Variants in MED12L observed in about 807,000 individuals in gnomAD.
MED12L encodes mediator complex subunit 12L.
In MED12L, 60 loss-of-function variants were observed where a neutral mutation model predicts 281.3. That is an observed-to-expected ratio of 0.21 (90% CI 0.17 to 0.26). The LOEUF (loss-of-function observed/expected upper bound fraction) is 0.26, where lower values mean the gene tolerates loss of function less well. Among genes scored for constraint, MED12L ranks in the 10% least tolerant of loss-of-function variants. The pLI is 1.00. For missense variants in MED12L, 2,146 were observed against 2,680.9 expected, an observed-to-expected ratio of 0.80 and a Z score of 4.41; for synonymous variants, 974 against 987.2, an observed-to-expected ratio of 0.99 and a Z score of 0.25.
At chr3:151,426,039 G>A (rs895131152) in intron 43 of MED12L, among the ~76,000 whole-genome samples, 1 of 152,156 alleles carries the variant, frequency 6.6e-6, no homozygotes, top group Non-Finnish European at 1.5e-5. Flanking sequence ...CATTTGAATA[G>A]GGAAGGCAAA....
At chr3:151,141,178 G>GTTTT (rs370095367) in intron 5 of MED12L, among the ~76,000 whole-genome samples, 2 of 102,228 alleles carry the variant, frequency 2.0e-5, no homozygotes, top group Non-Finnish European at 3.8e-5. Context: ...TTTTTTTTTT[G>GTTTT]TTTTTTTTGT....
chr3:151,436,469 A>T lies in MED12L; in HGVS notation c.*3665A>T. 1 of 416,414 alleles carries T rather than the reference A, an allele frequency of 2.4e-6. No homozygotes were observed. Among genetic ancestry groups the T allele is most frequent in the Non-Finnish European group, 4.2e-6 (1 of 236,324 alleles). 25.8% of individuals were successfully genotyped at this position (416,414 alleles called of 1,614,324 possible). On this transcript the variant is annotated 3_prime_UTR_variant, in exon 45 of 45. Coordinates refer to ENST00000687756, the MANE Select transcript of MED12L (RefSeq NM_001393769.1). ...TTTATTGTTATTTGTTGGCAAAATAAAAGTGCCTTAAGTTAAAAGTTTGTT... is the reference window on the plus strand; with the variant it reads ...TTTATTGTTATTTGTTGGCAAAATATAAGTGCCTTAAGTTAAAAGTTTGTT...
At chr3:151,274,799 G>A (rs941797251) in intron 16 of MED12L, among the ~76,000 whole-genome samples, 1 of 152,152 alleles carries the variant, frequency 6.6e-6, no homozygotes, top group African/African-American at 2.4e-5. Flanking sequence ...TTGTGGATAT[G>A]TCTGTTAGAA....
At chr3:151,385,224 T>G in intron 36 of MED12L, 33 bp downstream of exon 36, 1 of 1,058,162 alleles carries the variant, frequency 9.5e-7, no homozygotes, top group Non-Finnish European at 1.4e-6. Context: ...ATATATAAAT[T>G]TATTTACAAA....
At chr3:151,151,726 A>C (rs984217011) in intron 5 of MED12L, among the ~76,000 whole-genome samples, 4 of 152,190 alleles carry the variant, frequency 2.6e-5, no homozygotes, top group African/African-American at 9.7e-5. Flanking sequence ...ATAGTCACTC[A>C]AAGATGACTG....
Position 151,360,499 on chromosome 3 carries a change from G to A in MED12L, c.2851G>A (p.Val951Ile), listed in dbSNP as rs781152324. ...EGLCGVVKHV[V>I]NPSECSSPER... ...GTTGTGTGGTGTGGTCAAGCATGTCGTAAACCCCTCAGAATGTTCTTCCCC... is the reference window on the plus strand; with the variant it reads ...GTTGTGTGGTGTGGTCAAGCATGTCATAAACCCCTCAGAATGTTCTTCCCC... The change falls in exon 21 of 45, where the codon GTA becomes ATA. Residue 951 changes from valine to isoleucine, a missense_variant. Val to Ile is a conservative substitution (Grantham distance 29). Around this residue, in one of 9 missense-constraint regions of MED12L, gnomAD observed 404 missense variants for 603.5 expected, o/e 0.67. Transcript: ENST00000687756. The A allele has an allele frequency of 2.6e-5, 42 of 1,612,418 alleles. 1 individual carries two copies. The highest frequency in any genetic ancestry group is 3.3e-4 in the Middle Eastern group (2 of 6,070).
intron 39 of MED12L, among the ~76,000 whole-genome samples, chr3:151,395,580 C>G (rs1223466992): frequency 1.3e-5 from 2 of 152,104 alleles, no homozygotes; most frequent in East Asian, 3.8e-4. Context: ...TTTCTAGTTT[C>G]TGTATACTTG....
chr3:151,090,009 G>C (rs1719821116), intron 2 of MED12L, among the ~76,000 whole-genome samples: 1 of 152,122 alleles, frequency 6.6e-6, no homozygotes, highest in African/African-American at 2.4e-5. Flanking sequence ...TCTGGCTTCA[G>C]GGTGACTTCT....
chr3:151,293,236 G>C (rs1744500768), intron 16 of MED12L, among the ~76,000 whole-genome samples: 1 of 152,080 alleles, frequency 6.6e-6, no homozygotes. Flanking sequence ...TTGCTCATTT[G>C]AGCTTCTTAG....
chr3:151,404,744 C>CT (rs2108315721), intron 39 of MED12L, among the ~76,000 whole-genome samples: 1 of 152,306 alleles, frequency 6.6e-6, no homozygotes, highest in Non-Finnish European at 1.5e-5. Context: ...ACTTGTAACC[C>CT]TTAAACACTA....
At chr3:151,148,410 G>GGT (rs1289128131) in intron 5 of MED12L, among the ~76,000 whole-genome samples, 1 of 152,156 alleles carries the variant, frequency 6.6e-6, no homozygotes, top group East Asian at 1.9e-4. Flanking sequence ...GTTGAGTAAT[G>GGT]GTATATATAA....
intron 16 of MED12L, among the ~76,000 whole-genome samples, chr3:151,347,135 T>G (rs2149999196): frequency 6.9e-6 from 1 of 145,070 alleles, no homozygotes; most frequent in Non-Finnish European, 1.5e-5. Flanking sequence ...CCACTAAAAC[T>G]TAGTTCACCC....
intron 4 of MED12L, among the ~76,000 whole-genome samples, chr3:151,125,662 A>G (rs1447285519): frequency 6.6e-6 from 1 of 152,214 alleles, no homozygotes; most frequent in African/African-American, 2.4e-5. Flanking sequence ...CACACTGTAC[A>G]TTCTAGTGAA....
At chr3:151,298,972 A>G (rs1745495189) in intron 16 of MED12L, among the ~76,000 whole-genome samples, 1 of 152,202 alleles carries the variant, frequency 6.6e-6, no homozygotes, top group Non-Finnish European at 1.5e-5. Context: ...CCTCTTAATA[A>G]CTGTAAAATG....
intron 16 of MED12L, among the ~76,000 whole-genome samples, chr3:151,254,858 G>A (rs986347351): frequency 6.6e-6 from 1 of 152,094 alleles, no homozygotes; most frequent in Admixed American, 6.5e-5. Flanking sequence ...TCTTATAAAT[G>A]TCACATACAT....
intron 16 of MED12L, among the ~76,000 whole-genome samples, chr3:151,310,125 A>G (rs765549789): frequency 1.3e-5 from 2 of 152,232 alleles, no homozygotes; most frequent in African/African-American, 2.4e-5. Flanking sequence ...TTCAAATGCC[A>G]GCAGCAGCCC....
At chr3:151,424,628 A>T (rs1222205937) in intron 43 of MED12L, among the ~76,000 whole-genome samples, 1 of 147,030 alleles carries the variant, frequency 6.8e-6, no homozygotes, top group Non-Finnish European at 1.5e-5. Flanking sequence ...CTCAAAAAAA[A>T]CAAAACAAAA....
At chr3:151,244,670 G>T (rs1023429975) in intron 16 of MED12L, among the ~76,000 whole-genome samples, 11 of 150,850 alleles carry the variant, frequency 7.3e-5, no homozygotes, top group African/African-American at 2.4e-4. Flanking sequence ...AAGCAGGAAA[G>T]ATCCAAAATT....
At chr3:151,381,450 A>G (rs1305028863) in intron 32 of MED12L, among the ~76,000 whole-genome samples, 4 of 152,222 alleles carry the variant, frequency 2.6e-5, no homozygotes, top group African/African-American at 9.6e-5. Context: ...CCTACCAGTC[A>G]TGGCCCTCTT....
Sources: allele counts gnomAD v4.1 joint callset (sites outside exome capture counted in the v4.1 genomes callset), GRCh38; gene constraint gnomAD v4.1.1; regional missense constraint gnomAD v4.1.1; transcripts MANE v1.5; gene names NCBI Gene and HGNC (gene_info 2026-07-23, HGNC 2026-07-21).